The following LRP1B variants were observed in gnomAD, a reference collection of about 807,000 sequenced individuals.
LRP1B encodes low-density lipoprotein receptor-related protein 1B.
Under a neutral mutation model 556.6 loss-of-function variants are expected in LRP1B, and 217 were observed. The ratio of observed to expected loss-of-function variants is 0.39; its 90% CI spans 0.35 to 0.44. The LOEUF is 0.44. Among genes scored for constraint, LRP1B ranks in the 20% least tolerant of loss-of-function variants. The probability of loss-of-function intolerance (pLI) is 1.00; values close to 1 mark genes in which losing one functional copy is unlikely to be tolerated. For missense variants in LRP1B, 5,053 were observed against 5,620.8 expected (o/e 0.90, Z 3.23); for synonymous variants, 2,047 against 1,865.8 (o/e 1.10, Z -2.50).
In LRP1B at chr2:141,405,796, A is replaced by G. The variant is rs1475769625; in HGVS notation, c.343+74600T>C. On this transcript the variant is annotated intron_variant, in intron 3 of 90. Transcript: ENST00000389484. ...ATATGATAAAAATTTGGCATTTTGG[A>G]TAAAACCAGTTTTTAATTTCCCTGC... Among the ~76,000 whole-genome samples the G allele has an allele frequency of 2.0e-5, 3 of 152,108 alleles. No individual in the cohort carries two copies. The East Asian group carries it at 5.8e-4, about 29-fold the overall frequency.
intron 35 of LRP1B, among the ~76,000 whole-genome samples, chr2:140,741,082 G>A (rs71417105): frequency 0.097 from 14,799 of 152,156 alleles, 778 homozygotes; most frequent in African/African-American, 0.13. Flanking sequence ...ACATTTCTAA[G>A]CAGAAACAAG....
chr2:141,989,544 T>G, intron 1 of LRP1B, among the ~76,000 whole-genome samples: 1 of 152,242 alleles, frequency 6.6e-6, no homozygotes, highest in East Asian at 1.9e-4. Flanking sequence ...GGTTTGGCAC[T>G]GTTTGGTATG....
intron 66 of LRP1B, among the ~76,000 whole-genome samples, chr2:140,389,944 C>A (rs1045956605): frequency 4.0e-5 from 6 of 151,860 alleles, no homozygotes; most frequent in African/African-American, 1.2e-4. Context: ...GCCTGGCCAA[C>A]TGATTGAAAC....
intron 3 of LRP1B, among the ~76,000 whole-genome samples, chr2:141,394,522 C>G (rs1365579126): frequency 6.6e-6 from 1 of 151,978 alleles, no homozygotes; most frequent in African/African-American, 2.4e-5. Context: ...CATCCATTTC[C>G]CTTTGCATAG....
chr2:140,448,160 C>A (rs960862884), intron 63 of LRP1B, among the ~76,000 whole-genome samples: 2 of 151,992 alleles, frequency 1.3e-5, no homozygotes, highest in Non-Finnish European at 2.9e-5. Flanking sequence ...CACCAATAGA[C>A]AAGATTGATG....
At chr2:140,974,622 G>C (rs979700028) in intron 18 of LRP1B, among the ~76,000 whole-genome samples, 1 of 152,180 alleles carries the variant, frequency 6.6e-6, no homozygotes, top group Non-Finnish European at 1.5e-5. Context: ...AGAAGGAAAA[G>C]AAGAGAGACA....
At chr2:142,128,357 G>A (rs995262507) in intron 1 of LRP1B, among the ~76,000 whole-genome samples, 3 of 152,118 alleles carry the variant, frequency 2.0e-5, no homozygotes, top group Non-Finnish European at 2.9e-5. Flanking sequence ...ACTACAAAAC[G>A]CATCTGTATA....
At chr2:140,775,467 A>ATTTTT (rs61535948) in intron 33 of LRP1B, among the ~76,000 whole-genome samples, 46 of 111,188 alleles carry the variant, frequency 4.1e-4, no homozygotes, top group Admixed American at 2.0e-3. Context: ...TTTTTGGTTG[A>ATTTTT]TTTTTTTTTT....
intron 7 of LRP1B, among the ~76,000 whole-genome samples, chr2:141,143,151 A>C (rs1409205696): frequency 2.0e-5 from 3 of 151,920 alleles, no homozygotes; most frequent in Admixed American, 2.0e-4. Flanking sequence ...GGATGGTCTC[A>C]ATCTCCTGAC....
At chr2:140,594,837 T>C (rs1273716313) in intron 43 of LRP1B, among the ~76,000 whole-genome samples, 1 of 151,980 alleles carries the variant, frequency 6.6e-6, no homozygotes, top group Non-Finnish European at 1.5e-5. Context: ...TGCTTCAGCA[T>C]TTTTTGACAT....
intron 66 of LRP1B, among the ~76,000 whole-genome samples, chr2:140,398,506 T>A (rs1180804713): frequency 1.3e-5 from 2 of 151,460 alleles, no homozygotes; most frequent in Admixed American, 1.3e-4. Flanking sequence ...CTGTTTTTTC[T>A]CTTTCTTTCT....
chr2:140,758,695 G>T (rs149567038), intron 35 of LRP1B, among the ~76,000 whole-genome samples: 1 of 151,854 alleles, frequency 6.6e-6, no homozygotes, highest in East Asian at 1.9e-4. Context: ...ATCCTTTATT[G>T]TTATCAGTAA....
intron 2 of LRP1B, among the ~76,000 whole-genome samples, chr2:141,607,720 C>T (rs149320315): frequency 7.9e-5 from 12 of 151,418 alleles, no homozygotes; most frequent in Middle Eastern, 3.4e-3. Context: ...TTCAGGAGTT[C>T]GAGATCAGCC....
At chr2:140,557,209 T>C (rs547549427) in intron 43 of LRP1B, among the ~76,000 whole-genome samples, 4 of 152,234 alleles carry the variant, frequency 2.6e-5, no homozygotes, top group African/African-American at 9.6e-5. Context: ...ACAATTTTCT[T>C]CCTCATAAGC....
chr2:141,826,506 C>T (rs1356408410), intron 1 of LRP1B, among the ~76,000 whole-genome samples: 1 of 151,846 alleles, frequency 6.6e-6, no homozygotes, highest in African/African-American at 2.4e-5. Flanking sequence ...ACTACAGGTG[C>T]CCGCCACCAT....
At chr2:140,498,590 C>T (rs180768772) in intron 55 of LRP1B, among the ~76,000 whole-genome samples, 63 of 151,734 alleles carry the variant, frequency 4.2e-4, no homozygotes, top group Middle Eastern at 3.4e-3. Flanking sequence ...ATTTAGAGGA[C>T]GATTTCCTGT....
chr2:141,123,365 C>A (rs1220342165), intron 7 of LRP1B, among the ~76,000 whole-genome samples: 1 of 151,716 alleles, frequency 6.6e-6, no homozygotes, highest in African/African-American at 2.4e-5. Flanking sequence ...GATTTGGCCT[C>A]TTTTAAGAAG....
rs983968192 is a variant in LRP1B, at chr2:140,238,397, A to G, written c.13416-101T>C. On this transcript the variant is annotated intron_variant, in intron 88 of 90. Coordinates refer to ENST00000389484, the MANE Select transcript of LRP1B (RefSeq NM_018557.3). ...GATTTACTGACTTATTTTGAAATAA[A>G]TTGAATAAATGACATTTGTCAAGTA... 5 of 594,514 alleles carry G rather than the reference A, an allele frequency of 8.4e-6. No individual in the cohort carries two copies. In the African/African-American group the frequency reaches 9.6e-5, roughly 11 times the overall value. 36.8% of individuals were successfully genotyped at this position (594,514 alleles called of 1,614,324 possible). A position where few individuals can be genotyped will look rare whatever the true frequency, so the allele number is the denominator to read the frequency against.
Position 140,850,126 on chromosome 2 carries a change from C to G in LRP1B, c.4915G>C (p.Gly1639Arg), listed in dbSNP as rs1160328231. The stretch of plus-strand genomic sequence containing the variant: ...CCTCTTGAAATAACAGTTTCTAACC[C>G]AGTTCCGTTAATAAAAGCTCGTTTA... ...TIKRAFINGT[G>R]LETVISRDIQ... The change falls in exon 29 of 91, where the codon GGG (glycine) becomes CGG (arginine). Residue 1639 changes from glycine (G) to arginine (R), a missense_variant. Transcript: ENST00000389484. The G allele has an allele frequency of 6.2e-7, 1 of 1,611,194 alleles. No homozygotes were observed. The highest frequency in any genetic ancestry group is 1.7e-5 in the Admixed American group (1 of 59,978).
Sources: gnomAD v4.1 joint callset for allele counts (sites outside exome capture counted in the v4.1 genomes callset) on GRCh38, gnomAD v4.1.1 for gene constraint, MANE v1.5 for transcripts, NCBI Gene and HGNC (gene_info 2026-07-23, HGNC 2026-07-21) for gene names.